Variants in CHCHD6 observed in about 807,000 individuals in gnomAD.
CHCHD6 encodes coiled-coil-helix-coiled-coil-helix domain containing 6.
Under a neutral mutation model 32.3 loss-of-function variants are expected in CHCHD6, and 28 were observed. The observed-to-expected ratio is 0.87, with a 90% CI of 0.64 to 1.19. CHCHD6 has a LOEUF of 1.19. Ranked by LOEUF, CHCHD6 falls within the 50% of genes most tolerant of loss-of-function variation. The probability of loss-of-function intolerance (pLI) is 0.00; values close to 1 mark genes in which losing one functional copy is unlikely to be tolerated. For synonymous variants in CHCHD6, 122 were observed against 117.5 expected (o/e 1.04, Z -0.25); for missense variants, 333 against 307.0 (o/e 1.08, Z -0.63).
intron 4 of CHCHD6, among the ~76,000 whole-genome samples, chr3:126,765,291 C>G (rs1937322652): frequency 1.3e-5 from 2 of 152,190 alleles, no homozygotes; most frequent in East Asian, 1.9e-4. Flanking sequence ...ACCAAGAGCC[C>G]TAGCCAGAGC....
intron 4 of CHCHD6, among the ~76,000 whole-genome samples, chr3:126,821,256 C>G (rs1254678757): frequency 1.3e-5 from 2 of 152,156 alleles, no homozygotes; most frequent in Non-Finnish European, 2.9e-5. Context: ...TGTTTAAGAA[C>G]ATTTAAAATG....
At chr3:126,864,510 C>T (rs560806662) in intron 5 of CHCHD6, among the ~76,000 whole-genome samples, 9 of 150,378 alleles carry the variant, frequency 6.0e-5, no homozygotes, top group East Asian at 2.0e-4. Context: ...ACCATCACCT[C>T]CTCTTCCACC....
At chr3:126,773,646 G>T (rs7617811) in intron 4 of CHCHD6, among the ~76,000 whole-genome samples, 28,393 of 138,476 alleles carry the variant, frequency 0.21, 3,148 homozygotes, top group African/African-American at 0.3. Flanking sequence ...CGTCAGAGTC[G>T]CCTAGGCGAA....
intron 4 of CHCHD6, among the ~76,000 whole-genome samples, chr3:126,760,907 C>T (rs1937137636): frequency 6.6e-6 from 1 of 152,208 alleles, no homozygotes; most frequent in African/African-American, 2.4e-5. Context: ...AATCATAGCT[C>T]ACTGTAACCT....
chr3:126,916,637 CCA>C (rs1166358882), intron 6 of CHCHD6, among the ~76,000 whole-genome samples: 1 of 152,186 alleles, frequency 6.6e-6, no homozygotes, highest in African/African-American at 2.4e-5. Context: ...ATGAGCCACC[CCA>C]CACACAGACA....
At chr3:126,835,118 C>A (rs577292276) in intron 4 of CHCHD6, among the ~76,000 whole-genome samples, 6 of 152,190 alleles carry the variant, frequency 3.9e-5, no homozygotes, top group Non-Finnish European at 7.3e-5. Context: ...TTCTGACCAG[C>A]CTCTGGGGCC....
chr3:126,947,970 C>T (rs1159322586), intron 6 of CHCHD6, among the ~76,000 whole-genome samples: 2 of 152,202 alleles, frequency 1.3e-5, no homozygotes, highest in African/African-American at 4.8e-5. Context: ...CAGACCCTGG[C>T]ATGGAGCCTG....
At chr3:126,927,498 A>G (rs566413619) in intron 6 of CHCHD6, among the ~76,000 whole-genome samples, 1 of 152,350 alleles carries the variant, frequency 6.6e-6, no homozygotes, top group East Asian at 1.9e-4. Flanking sequence ...CACTGTGCAC[A>G]GGCTTCAGCC....
At chr3:126,788,436 C>T (rs1938340009) in intron 4 of CHCHD6, among the ~76,000 whole-genome samples, 1 of 152,164 alleles carries the variant, frequency 6.6e-6, no homozygotes, top group African/African-American at 2.4e-5. Context: ...TAGAATTCTG[C>T]TGTGAATCCG....
chr3:126,852,211 C>T (rs995698615), intron 4 of CHCHD6, among the ~76,000 whole-genome samples: 13 of 152,166 alleles, frequency 8.5e-5, no homozygotes, highest in African/African-American at 2.4e-4. Context: ...ACCCAGCGGC[C>T]GGACACACCT....
intron 4 of CHCHD6, among the ~76,000 whole-genome samples, chr3:126,844,693 A>G (rs9841548): frequency 0.033 from 5,098 of 152,180 alleles, 290 homozygotes; most frequent in African/African-American, 0.12. Flanking sequence ...AAAGATTTCT[A>G]CCTTCTAGTA....
intron 1 of CHCHD6, among the ~76,000 whole-genome samples, chr3:126,709,713 G>A (rs10446318): frequency 0.012 from 1,807 of 152,234 alleles, 18 homozygotes; most frequent in Middle Eastern, 0.048. Context: ...GTATCTCATC[G>A]TGGTTTGAAT....
chr3:126,775,512 A>C (rs1160797395), intron 4 of CHCHD6, among the ~76,000 whole-genome samples: 2 of 152,204 alleles, frequency 1.3e-5, no homozygotes, highest in Non-Finnish European at 2.9e-5. Context: ...AGAGAATTTG[A>C]TTTCAAAAGT....
chr3:126,782,205 T>A (rs1937979055), intron 4 of CHCHD6, among the ~76,000 whole-genome samples: 1 of 152,280 alleles, frequency 6.6e-6, no homozygotes, highest in African/African-American at 2.4e-5. Flanking sequence ...CCGTGAACAT[T>A]AATTCTCGAT....
Position 126,957,137 on chromosome 3 carries a change from C to T in CHCHD6, c.567-279C>T, listed in dbSNP as rs2078796962. ...CCTGTCTCCTGAGTGTACACAGGCC[C>T]CAGTGAAGGAGCCCGGTGTGGAGCC... On this transcript the variant is annotated intron_variant, in intron 6 of 7. Coordinates refer to ENST00000290913, the MANE Select transcript of CHCHD6 (RefSeq NM_032343.3). The T allele has an allele frequency of 9.8e-6, 5 of 508,156 alleles. No individual in the cohort carries two copies. The South Asian group carries it at 1.1e-4, about 11-fold the overall frequency. The allele number at this position is 508,156 out of a possible 1,614,324, so 31.5% of individuals were successfully genotyped here.
At chr3:126,904,716 G>C (rs778084406) in intron 5 of CHCHD6, among the ~76,000 whole-genome samples, 1 of 152,212 alleles carries the variant, frequency 6.6e-6, no homozygotes, top group African/African-American at 2.4e-5. Context: ...CTAACAGAGA[G>C]AGAATGACAT....
intron 6 of CHCHD6, among the ~76,000 whole-genome samples, chr3:126,918,753 T>C (rs1172803372): frequency 1.3e-5 from 2 of 152,194 alleles, no homozygotes; most frequent in Non-Finnish European, 2.9e-5. Context: ...AGCCAGACCA[T>C]GCAGAACTTT....
intron 4 of CHCHD6, chr3:126,766,885 A>C (rs1178807701): frequency 2.0e-6 from 2 of 986,676 alleles, no homozygotes; most frequent in East Asian, 4.8e-5. Context: ...GTGGGGGACC[A>C]TCTCATCCTG....
chr3:126,808,402 G>A (rs1022157069), intron 4 of CHCHD6, among the ~76,000 whole-genome samples: 1 of 152,172 alleles, frequency 6.6e-6, no homozygotes, highest in African/African-American at 2.4e-5. Context: ...ACTAGGTGAT[G>A]GGGATCATCG....
Sources: gnomAD v4.1 joint callset for allele counts (sites outside exome capture counted in the v4.1 genomes callset) on GRCh38, gnomAD v4.1.1 for gene constraint, MANE v1.5 for transcripts, NCBI Gene and HGNC (gene_info 2026-07-23, HGNC 2026-07-21) for gene names.